Variants in ZNF646 observed in about 807,000 individuals in gnomAD.
The protein encoded by ZNF646 is zinc finger protein 646.
ZNF646 carries 49 observed loss-of-function variants against 115.4 expected under a neutral mutation model. The observed-to-expected ratio is 0.42, with a 90% CI of 0.34 to 0.54. The LOEUF is 0.54. Ranked by LOEUF, ZNF646 falls within the 20% of genes least tolerant of loss-of-function variation. The pLI, the probability that ZNF646 is intolerant of heterozygous loss-of-function variation, is 0.04. For missense variants in ZNF646, 2,269 were observed against 2,457.9 expected (o/e 0.92, Z 1.62); for synonymous variants, 933 against 939.0 (o/e 0.99, Z 0.12).
At position 31,080,100 on chromosome 16, in the gene ZNF646, G is replaced by A. The variant is rs140878497; in HGVS notation, c.3776G>A (p.Arg1259His). The change falls in exon 2 of 3, where the codon CGC becomes CAC. Residue 1259 changes from arginine to histidine, a missense_variant. Coordinates refer to ENST00000300850, the MANE Select transcript of ZNF646 (RefSeq NM_014699.4). ...RRIHADPRRF[R>H]CSECGKAFRL... ...ATCCATGCAGATCCCCGACGTTTCC[G>A]CTGCAGCGAGTGTGGGAAGGCCTTC... 130 of 1,613,064 alleles carry A rather than the reference G, an allele frequency of 8.1e-5. No homozygotes were observed. The highest frequency in any genetic ancestry group is 1.1e-4 in the Non-Finnish European group (126 of 1,179,888).
Position 31,076,266 on chromosome 16 carries a change from G to A in ZNF646, c.-59G>A. The A allele has an allele frequency of 6.5e-7, 1 of 1,541,298 alleles. No individual in the cohort carries two copies. Among genetic ancestry groups the A allele is most frequent in the Non-Finnish European group, 8.8e-7 (1 of 1,140,644 alleles). ...CCTAGGCCTTGGCCCCTCCACCAGA[G>A]GAAGGTGCTGCCACGTGTCTGCTCC... On this transcript the variant is annotated 5_prime_UTR_variant, in exon 2 of 3. Transcript: ENST00000300850.
rs770430769 is a variant in ZNF646, at chr16:31,080,912, C to A, written c.4588C>A (p.His1530Asn). 6.8e-6 allele frequency: 11 copies of A among 1,614,042 alleles called. No individual in the cohort carries two copies. The highest frequency in any genetic ancestry group is 9.3e-6 in the Non-Finnish European group (11 of 1,180,048). ...DNSSQLQPGS[H>N]SSCSQCGKTY... ...CAGCTCTCAGCTGCAGCCAGGGAGC[C>A]ACTCCTCTTGCAGCCAGTGTGGCAA... The change falls in exon 2 of 3, where the codon CAC (histidine) becomes AAC (asparagine). Residue 1530 changes from histidine (H) to asparagine (N), a missense_variant. By Grantham distance (68) the His-to-Asn change is moderately conservative. Transcript: ENST00000300850.
chr16:31,081,341 A>AAGG lies in ZNF646; in HGVS notation c.5020_5022dup (p.Glu1674dup). ...GGTGACGTCCATGGCGGCTGAGGAC[A>AAGG]AGGAGCGGCCCTTCCGCTGCACCCA... is the stretch of plus-strand genomic sequence containing the variant. On this transcript the variant is annotated inframe_insertion, in exon 2 of 3. Coordinates refer to ENST00000300850, the MANE Select transcript of ZNF646 (RefSeq NM_014699.4). 6.2e-7 allele frequency: 1 copy of AAGG among 1,613,960 alleles called. No individual in the cohort carries two copies. Among genetic ancestry groups the AAGG allele is most frequent in the East Asian group, 2.2e-5 (1 of 44,884 alleles).
At position 31,077,388 on chromosome 16, in the gene ZNF646, C is replaced by T. The variant is rs762741810; in HGVS notation, c.1064C>T (p.Ala355Val). The T allele has an allele frequency of 1.5e-5, 24 of 1,612,942 alleles. No individual in the cohort carries two copies. The highest frequency in any genetic ancestry group is 1.6e-4 in the Middle Eastern group (1 of 6,062). Residue 355 changes from alanine to valine, a missense_variant, in exon 2 of 3, where the codon GCG (alanine) becomes GTG (valine). By Grantham distance (64) the Ala-to-Val change is moderately conservative. This residue lies in a region of ZNF646 where 852 missense variants were observed against 900.2 expected (regional missense o/e 0.95). Transcript: ENST00000300850. ...LPSAQMLNGS[A>V]ELSTSGELED... ...AGTGCACAGATGCTGAATGGCTCTGCGGAGCTCAGCACCTCTGGGGAGCTG... is the reference window on the plus strand; with the variant it reads ...AGTGCACAGATGCTGAATGGCTCTGTGGAGCTCAGCACCTCTGGGGAGCTG...
At position 31,076,525 on chromosome 16, in the gene ZNF646, T is replaced by A. The variant is rs577720146; in HGVS notation, c.201T>A (p.Arg67=). 1 of 1,612,972 alleles carries A rather than the reference T, an allele frequency of 6.2e-7. No homozygotes were observed. Among genetic ancestry groups the A allele is most frequent in the South Asian group, 1.1e-5 (1 of 90,996 alleles). ...YRHPGSLVNH[R]RTHETGLFPC... Reference sequence around the variant, plus strand: ...ACCCCGGGAGCCTGGTTAACCATCGTCGGACCCACGAGACTGGCCTTTTCC... The same window carrying A: ...ACCCCGGGAGCCTGGTTAACCATCGACGGACCCACGAGACTGGCCTTTTCC... The change falls in exon 2 of 3, where the codon CGT becomes CGA. Residue 67 remains arginine, a synonymous_variant. Coordinates refer to ENST00000300850, the MANE Select transcript of ZNF646 (RefSeq NM_014699.4).
Position 31,078,294 on chromosome 16 carries a change from C to T in ZNF646, c.1970C>T (p.Ala657Val). The T allele has an allele frequency of 3.1e-6, 5 of 1,613,710 alleles. No homozygotes were observed. Among genetic ancestry groups the T allele is most frequent in the Non-Finnish European group, 4.2e-6 (5 of 1,179,902 alleles). Reference sequence around the variant, plus strand: ...TGTGCCAAGCACTTCCACACCATGGCTGCCATGAAGAACCACTTGCGCCGG... The same window carrying T: ...TGTGCCAAGCACTTCCACACCATGGTTGCCATGAAGAACCACTTGCGCCGG... The part of the protein sequence containing the change: ...GACAKHFHTM[A>V]AMKNHLRRHS... Residue 657 changes from alanine to valine, a missense_variant, in exon 2 of 3, where the codon GCT (alanine) becomes GTT (valine). Coordinates refer to ENST00000300850, the MANE Select transcript of ZNF646 (RefSeq NM_014699.4).
rs1214707312 is a variant in ZNF646, at chr16:31,077,074, C to T, written c.750C>T (p.His250=). 1.4e-5 allele frequency: 23 copies of T among 1,613,998 alleles called. No homozygotes were observed. The highest frequency in any genetic ancestry group is 8.9e-5 in the East Asian group (4 of 44,896). ...GTCAGTGTGGCAAGACCTACAAGCACGCCGGGAGCCTCACCAACCACCGCC... is the reference window on the plus strand; with the variant it reads ...GTCAGTGTGGCAAGACCTACAAGCATGCCGGGAGCCTCACCAACCACCGCC... ...KCSQCGKTYK[H]AGSLTNHRQS... is the part of the protein sequence containing the mutation. The change falls in exon 2 of 3, where the codon CAC becomes CAT. Residue 250 remains histidine, a synonymous_variant. Coordinates refer to ENST00000300850, the MANE Select transcript of ZNF646 (RefSeq NM_014699.4).
chr16:31,077,864 C>T lies in ZNF646; in HGVS notation c.1540C>T (p.His514Tyr). 6.2e-7 allele frequency: 1 copy of T among 1,613,808 alleles called. No individual in the cohort carries two copies. The highest frequency in any genetic ancestry group is 8.5e-7 in the Non-Finnish European group (1 of 1,180,028). The change falls in exon 2 of 3, where the codon CAT (histidine) becomes TAT (tyrosine). Residue 514 changes from histidine to tyrosine, a missense_variant. Transcript: ENST00000300850. The stretch of plus-strand genomic sequence containing the variant: ...GGCCCTGCGCAACCACGTGCGGGTA[C>T]ATTGCAAGGCTGCTCGCCGAAGTGC... ...LMALRNHVRV[H>Y]CKAARRSADI...
In ZNF646 at chr16:31,076,469, CG is replaced by C; in HGVS notation, c.146del (p.Arg49LeufsTer46). The C allele has an allele frequency of 6.2e-7, 1 of 1,614,062 alleles. No homozygotes were observed. The highest frequency in any genetic ancestry group is 8.5e-7 in the Non-Finnish European group (1 of 1,180,010). On this transcript the variant is annotated frameshift_variant, in exon 2 of 3. Transcript: ENST00000300850. LOFTEE classifies it high-confidence loss of function. ...EEADSIPRPY[R>X]CQQCGRGYRH... ...GGCTGACAGCATCCCTCGGCCCTACCGTTGTCAGCAGTGTGGGCGGGGCTAC... is the reference window on the plus strand; with the variant it reads ...GGCTGACAGCATCCCTCGGCCCTACCTTGTCAGCAGTGTGGGCGGGGCTAC...
In ZNF646 at chr16:31,080,080, T is replaced by G. The variant is rs755062000; in HGVS notation, c.3756T>G (p.His1252Gln). ...CCCTCAAGAACCACCGGCGCATCCA[T>G]GCAGATCCCCGACGTTTCCGCTGCA... ...LMSLKNHRRI[H>Q]ADPRRFRCSE... The change falls in exon 2 of 3, where the codon CAT becomes CAG. Residue 1252 changes from histidine to glutamine, a missense_variant. Transcript: ENST00000300850. 6.2e-7 allele frequency: 1 copy of G among 1,612,626 alleles called. No individual in the cohort carries two copies. Among genetic ancestry groups the G allele is most frequent in the South Asian group, 1.1e-5 (1 of 91,022 alleles).
Position 31,077,774 on chromosome 16 carries a change from C to A in ZNF646, c.1450C>A (p.Arg484Ser). 5 of 1,613,994 alleles carry A rather than the reference C, an allele frequency of 3.1e-6. No homozygotes were observed. The highest frequency in any genetic ancestry group is 4.2e-6 in the Non-Finnish European group (5 of 1,180,038). ...CCACCGGGGGAGCCTGGTGAACCAT[C>A]GCCACAGCCATCGGACTGGAGAGTA... ...YRHRGSLVNH[R>S]HSHRTGEYQC... The change falls in exon 2 of 3, where the codon CGC becomes AGC. Residue 484 changes from arginine to serine, a missense_variant. Coordinates refer to ENST00000300850, the MANE Select transcript of ZNF646 (RefSeq NM_014699.4).
rs1193788918 is a variant in ZNF646 at position 31,079,435 on chromosome 16, C to T, written c.3111C>T (p.Cys1037=). The change falls in exon 2 of 3, where the codon TGC becomes TGT. Residue 1037 remains cysteine (C), a synonymous_variant. Coordinates refer to ENST00000300850, the MANE Select transcript of ZNF646 (RefSeq NM_014699.4). The surrounding 1 kb of genome is among the most constrained non-coding windows in gnomAD (Gnocchi z 5.5). ...GCACCCCCTTGGGAGACAGCCTCTG[C>T]ATCCAGGGTGGGGAAAGTTTGTTGG... is the stretch of plus-strand genomic sequence containing the variant. ...GAGTPLGDSL[C]IQGGESLLEA... 1.2e-6 allele frequency: 2 copies of T among 1,613,906 alleles called. No homozygotes were observed. The highest frequency in any genetic ancestry group is 1.7e-6 in the Non-Finnish European group (2 of 1,179,978).
intron 1 of ZNF646, chr16:31,076,022 C>G: frequency 2.9e-6 from 1 of 349,912 alleles, no homozygotes; most frequent in Non-Finnish European, 5.2e-6. Flanking sequence ...CTTAGCTATA[C>G]CTGTAGGGAT....
Position 31,081,234 on chromosome 16 carries a change from G to T in ZNF646, c.4910G>T (p.Gly1637Val). The part of the protein sequence containing the change: ...GTGEDQVVLP[G>V]QGKAQEAPSE... ...GGGGAGGACCAGGTGGTTCTCCCTG[G>T]TCAAGGGAAAGCCCAGGAGGCCCCA... The change falls in exon 2 of 3, where the codon GGT becomes GTT. Residue 1637 changes from glycine to valine, a missense_variant. Gly to Val is a moderately radical substitution (Grantham distance 109, BLOSUM62 -3). Around this residue, in one of 5 missense-constraint regions of ZNF646, gnomAD observed 1,062 missense variants for 1,172.8 expected, o/e 0.91. Transcript: ENST00000300850. 1 of 1,593,850 alleles carries T rather than the reference G, an allele frequency of 6.3e-7. No individual in the cohort carries two copies. Among genetic ancestry groups the T allele is most frequent in the South Asian group, 1.1e-5 (1 of 88,994 alleles).
At chr16:31,082,083 A>G (rs1208136487) in intron 2 of ZNF646, 1 of 375,042 alleles carries the variant, frequency 2.7e-6, no homozygotes, top group Non-Finnish European at 5.0e-6. Flanking sequence ...ACTTCCAGAG[A>G]AAAAGAGGAA....
At position 31,079,879 on chromosome 16, in the gene ZNF646, G is replaced by C. The variant is rs201984601; in HGVS notation, c.3555G>C (p.Arg1185Ser). 14 of 1,612,340 alleles carry C rather than the reference G, an allele frequency of 8.7e-6. No homozygotes were observed. In the East Asian group the frequency reaches 2.5e-4, roughly 28 times the overall value. Reference protein sequence around the residue: ...TTVKGEEIEPRLETAEKGCQT... With the variant: ...TTVKGEEIEPSLETAEKGCQT... Reference sequence around the variant, plus strand: ...TGAAGGGGGAGGAGATAGAGCCCAGGCTGGAGACTGCCGAGAAGGGCTGCC... The same window carrying C: ...TGAAGGGGGAGGAGATAGAGCCCAGCCTGGAGACTGCCGAGAAGGGCTGCC... Residue 1185 changes from arginine to serine, a missense_variant, in exon 2 of 3, where the codon AGG becomes AGC. Arg to Ser is a moderately radical substitution (Grantham distance 110, BLOSUM62 -1). This residue lies in a region of ZNF646 where 1,062 missense variants were observed against 1,172.8 expected (regional missense o/e 0.91). Transcript: ENST00000300850. The surrounding 1 kb of genome is among the most constrained non-coding windows in gnomAD (Gnocchi z 5.5).
chr16:31,081,000 G>A lies in ZNF646; in HGVS notation c.4676G>A (p.Cys1559Tyr), dbSNP rs145819840. The A allele has an allele frequency of 3.4e-4, 543 of 1,613,962 alleles. No homozygotes were observed. Among genetic ancestry groups the A allele is most frequent in the Non-Finnish European group, 4.4e-4 (517 of 1,180,050 alleles). The change falls in exon 2 of 3, where the codon TGC becomes TAC. Residue 1559 changes from cysteine to tyrosine, a missense_variant. Cys to Tyr is a radical substitution (Grantham distance 194). Around this residue, in one of 5 missense-constraint regions of ZNF646, gnomAD observed 1,062 missense variants for 1,172.8 expected, o/e 0.91. Transcript: ENST00000300850. ...ACCAACAAGACAGACCGACACTATT[G>A]CCTGCTCTGCTCCAAGGAGTTCTTA... is the stretch of plus-strand genomic sequence containing the variant. ...HNTNKTDRHY[C>Y]LLCSKEFLNP...
At position 31,078,605 on chromosome 16, in the gene ZNF646, C is replaced by G. The variant is rs773526347; in HGVS notation, c.2281C>G (p.Leu761Val). 3.1e-6 allele frequency: 5 copies of G among 1,613,780 alleles called. No individual in the cohort carries two copies. The highest frequency in any genetic ancestry group is 1.7e-4 in the Middle Eastern group (1 of 6,060). The stretch of plus-strand genomic sequence containing the variant: ...AGAGAGCGGAGGCACTGGGGAAGGA[C>G]TGGAAAGGAAGGATGCCAGTTTACT... The part of the protein sequence containing the change: ...DKESGGTGEG[L>V]ERKDASLLDN... The change falls in exon 2 of 3, where the codon CTG (leucine) becomes GTG (valine). Residue 761 changes from leucine to valine, a missense_variant. This residue lies in a region of ZNF646 where 852 missense variants were observed against 900.2 expected (regional missense o/e 0.95). Coordinates refer to ENST00000300850, the MANE Select transcript of ZNF646 (RefSeq NM_014699.4).
chr16:31,079,581 G>T lies in ZNF646; in HGVS notation c.3257G>T (p.Arg1086Leu). ...GACTTTCTCTGCCCTGTCTGCTCCC[G>T]CTGCTACCCCAACCTGGCTGCCTAC... The part of the protein sequence containing the change: ...TGDFLCPVCS[R>L]CYPNLAAYRN... The change falls in exon 2 of 3, where the codon CGC becomes CTC. Residue 1086 changes from arginine to leucine, a missense_variant. Coordinates refer to ENST00000300850, the MANE Select transcript of ZNF646 (RefSeq NM_014699.4). The surrounding 1 kb of genome is among the most constrained non-coding windows in gnomAD (Gnocchi z 5.5). The T allele has an allele frequency of 6.2e-7, 1 of 1,613,322 alleles. No individual in the cohort carries two copies. Among genetic ancestry groups the T allele is most frequent in the Non-Finnish European group, 8.5e-7 (1 of 1,180,002 alleles).
Sources: allele counts gnomAD v4.1 joint callset, GRCh38; gene constraint gnomAD v4.1.1; regional missense constraint gnomAD v4.1.1; non-coding constraint Gnocchi (gnomAD v3.1); transcripts MANE v1.5; gene names NCBI Gene and HGNC (gene_info 2026-07-23, HGNC 2026-07-21).